ATP8B1: variants seen among roughly 807,000 people sequenced by gnomAD.
ATP8B1 encodes the protein phospholipid-transporting ATPase IC.
ATP8B1 carries 80 observed loss-of-function variants against 149.9 expected under a neutral mutation model. The ratio of observed to expected loss-of-function variants is 0.53; its 90% confidence interval spans 0.45 to 0.64. The LOEUF is 0.64. Ranked by LOEUF, ATP8B1 falls within the 30% of genes least tolerant of loss-of-function variation. The pLI is 0.00. For synonymous variants in ATP8B1, 536 were observed against 562.8 expected (o/e 0.95, Z 0.67); for missense variants, 1,247 against 1,552.6 (o/e 0.80, Z 3.31).
In ATP8B1 at chr18:57,802,186, G is replaced by C. The variant is rs2080583336; in HGVS notation, c.-26+812C>G. ...AGGAGGGAGTTGGAGAAGTGGGGGC[G>C]AGGGGTGTTAAAGCACTGGGCCATT... On this transcript the variant is annotated intron_variant, in intron 1 of 27. Coordinates refer to ENST00000648908, the MANE Select transcript of ATP8B1 (RefSeq NM_001374385.1). This position sits in a 1 kb window ranked among gnomAD's most constrained non-coding sequence, Gnocchi z 4.9. Among the ~76,000 whole-genome samples, 1 of 152,100 alleles carries C rather than the reference G, an allele frequency of 6.6e-6. No individual in the cohort carries two copies. Among genetic ancestry groups the C allele is most frequent in the South Asian group, 2.1e-4 (1 of 4,822 alleles).
At chr18:57,794,463 TAA>T (rs58976028) in intron 1 of ATP8B1, among the ~76,000 whole-genome samples, 2,068 of 110,444 alleles carry the variant, frequency 0.019, 65 homozygotes, top group African/African-American at 0.066. Context: ...AACCTGACAT[TAA>T]AAAAAAAAAA....
intron 12 of ATP8B1, among the ~76,000 whole-genome samples, chr18:57,691,524 G>A (rs943730748): frequency 1.3e-5 from 2 of 152,188 alleles, no homozygotes; most frequent in South Asian, 4.1e-4. Context: ...CCGGTGAGAA[G>A]GGAACCTTAC....
At chr18:57,695,395 G>A (rs1912758786) in intron 9 of ATP8B1, 55 bp downstream of exon 9, 2 of 1,589,030 alleles carry the variant, frequency 1.3e-6, no homozygotes, top group Non-Finnish European at 1.7e-6. Context: ...TAATCAATAG[G>A]AATTGAACCA....
chr18:57,670,336 T>C (rs1911147522), intron 17 of ATP8B1, among the ~76,000 whole-genome samples: 1 of 151,500 alleles, frequency 6.6e-6, no homozygotes, highest in Non-Finnish European at 1.5e-5. Flanking sequence ...ACATTTTCTT[T>C]TTTTTTCTTT....
chr18:57,782,616 T>C (rs2080366701), intron 1 of ATP8B1, among the ~76,000 whole-genome samples: 2 of 152,166 alleles, frequency 1.3e-5, no homozygotes, highest in South Asian at 4.2e-4. Flanking sequence ...TATCAAAAAG[T>C]CAAGAATGAA....
chr18:57,752,125 T>C (rs2080027117), intron 1 of ATP8B1, among the ~76,000 whole-genome samples: 1 of 151,672 alleles, frequency 6.6e-6, no homozygotes, highest in South Asian at 2.1e-4. Flanking sequence ...GAGGATCGTT[T>C]GAGCCCAGGA....
At chr18:57,701,655 G>A (rs1913130019) in intron 4 of ATP8B1, among the ~76,000 whole-genome samples, 1 of 152,028 alleles carries the variant, frequency 6.6e-6, no homozygotes, top group Non-Finnish European at 1.5e-5. Context: ...TGGGGGTGAG[G>A]GGGTAGGAGT....
Position 57,648,056 on chromosome 18 carries a change from G to A in ATP8B1, c.*432C>T, listed in dbSNP as rs1909294025. ...GGCTGGAGTGCAGTGGCGCAATCTC[G>A]GCTCACTGTAACCTCCATCTCCCAG... On this transcript the variant is annotated 3_prime_UTR_variant, in exon 28 of 28. Transcript: ENST00000648908. 1 of 307,970 alleles carries A rather than the reference G, an allele frequency of 3.2e-6. No homozygotes were observed. Among genetic ancestry groups the A allele is most frequent in the Non-Finnish European group, 6.4e-6 (1 of 157,110 alleles). The allele number at this position is 307,970 out of a possible 1,614,324, so 19.1% of individuals were successfully genotyped here.
chr18:57,701,624 T>C (rs1913127474), intron 4 of ATP8B1, among the ~76,000 whole-genome samples: 3 of 152,198 alleles, frequency 2.0e-5, no homozygotes, highest in Non-Finnish European at 2.9e-5. Context: ...CTCTAAATCT[T>C]TTGTGAAAAT....
In ATP8B1 at chr18:57,686,482, C is replaced by T. The variant is rs561055336; in HGVS notation, c.1430-1367G>A. Among the ~76,000 whole-genome samples, 15 of 152,102 alleles carry T rather than the reference C, an allele frequency of 9.9e-5. No individual in the cohort carries two copies. In the East Asian group the frequency reaches 2.0e-3, roughly 20 times the overall value. On this transcript the variant is annotated intron_variant, in intron 13 of 27. Coordinates refer to ENST00000648908, the MANE Select transcript of ATP8B1 (RefSeq NM_001374385.1). ...TCAAGTAACTGGAACTACAGGCACA[C>T]ACAATTTTGCTCACTGCAACCTCCA...
At chr18:57,750,316 T>C (rs2080004489) in intron 1 of ATP8B1, among the ~76,000 whole-genome samples, 1 of 152,226 alleles carries the variant, frequency 6.6e-6, no homozygotes, top group East Asian at 1.9e-4. Context: ...CAAGAGTACC[T>C]GCACACTGCA....
chr18:57,672,649 C>T (rs1017472182), intron 16 of ATP8B1, among the ~76,000 whole-genome samples: 6 of 151,720 alleles, frequency 4.0e-5, no homozygotes, highest in Non-Finnish European at 8.8e-5. Flanking sequence ...GGCCAGTCAC[C>T]TGAGGTCGGC....
Position 57,703,963 on chromosome 18 carries a change from GATTTT to G in ATP8B1, c.393+587_393+591del, listed in dbSNP as rs576441132. On this transcript the variant is annotated intron_variant, in intron 4 of 27. Transcript: ENST00000648908. Reference sequence around the variant, plus strand: ...GGTGCAAATAATTTTACAAAGTAAGGATTTTATTTTATTTTTTTTTAAGATGGAGT... The same window carrying G: ...GGTGCAAATAATTTTACAAAGTAAGGATTTTATTTTTTTTTAAGATGGAGT... Among the ~76,000 whole-genome samples the G allele has an allele frequency of 1.0e-2, 1,519 of 151,974 alleles. 24 individuals carry two copies. Among genetic ancestry groups the G allele is most frequent in the Non-Finnish European group, 0.014 (957 of 67,936 alleles).
intron 1 of ATP8B1, among the ~76,000 whole-genome samples, chr18:57,778,764 T>TA (rs1371804483): frequency 6.6e-6 from 1 of 152,128 alleles, no homozygotes; most frequent in Admixed American, 6.6e-5. Context: ...TGGCTTCTCT[T>TA]ACAGTAAGTG....
intron 1 of ATP8B1, chr18:57,755,557 A>T (rs1207631476): frequency 3.0e-4 from 45 of 152,216 alleles, no homozygotes; most frequent in Admixed American, 2.9e-3. Flanking sequence ...TGACAGTTTC[A>T]CATTGACGCT....
intron 22 of ATP8B1, among the ~76,000 whole-genome samples, chr18:57,658,128 C>T (rs1910135402): frequency 1.3e-5 from 2 of 151,728 alleles, no homozygotes; most frequent in African/African-American, 2.4e-5. Flanking sequence ...CTCAATGCAA[C>T]CTCTGCCTCC....
intron 6 of ATP8B1, among the ~76,000 whole-genome samples, chr18:57,698,190 C>T (rs1367490370): frequency 6.6e-6 from 1 of 152,194 alleles, no homozygotes; most frequent in African/African-American, 2.4e-5. Context: ...TGCCTCCCTG[C>T]TGTGTTCCTT....
At chr18:57,791,532 CGG>C (rs1235654175) in intron 1 of ATP8B1, among the ~76,000 whole-genome samples, 1 of 151,222 alleles carries the variant, frequency 6.6e-6, no homozygotes, top group African/African-American at 2.4e-5. Flanking sequence ...TTAGTAGAGA[CGG>C]GGGTTCACCA....
chr18:57,748,950 T>C (rs987650305), intron 1 of ATP8B1, among the ~76,000 whole-genome samples: 2 of 152,196 alleles, frequency 1.3e-5, no homozygotes, highest in Non-Finnish European at 2.9e-5. Context: ...TGCAAACATC[T>C]AGTCTGATTT....
Sources: allele counts gnomAD v4.1 joint callset (sites outside exome capture counted in the v4.1 genomes callset), GRCh38; gene constraint gnomAD v4.1.1; non-coding constraint Gnocchi (gnomAD v3.1); transcripts MANE v1.5; gene names NCBI Gene and HGNC (gene_info 2026-07-23, HGNC 2026-07-21).